TEX11: variants seen among roughly 807,000 people sequenced by gnomAD.
TEX11 encodes the protein testis expressed 11, also known as testis-expressed protein 11.
Under a neutral mutation model 84.4 loss-of-function variants are expected in TEX11, and 7 were observed. The observed-to-expected ratio is 0.08, with a 90% CI of 0.05 to 0.16. The LOEUF (loss-of-function observed/expected upper bound fraction) is 0.16. Ranked by LOEUF, TEX11 falls within the 10% of genes least tolerant of loss-of-function variation. The pLI is 1.00. For synonymous variants in TEX11, 264 were observed against 222.8 expected, an observed-to-expected ratio of 1.18 and a Z score of -1.64; for missense variants, 551 against 660.5, an observed-to-expected ratio of 0.83 and a Z score of 1.82.
At chrX:70,808,357 G>T (rs1209583058) in intron 8 of TEX11, among the ~76,000 whole-genome samples, 1 of 107,075 alleles carries the variant, frequency 9.3e-6, no homozygotes, top group Non-Finnish European at 1.9e-5. Context: ...AGAAAAATTA[G>T]TTGGGCGTGG....
intron 2 of TEX11, among the ~76,000 whole-genome samples, chrX:70,887,652 C>T (rs1298500453): frequency 8.9e-6 from 1 of 112,091 alleles, no homozygotes. Flanking sequence ...GAACTCCATA[C>T]CCTTAAGAGA....
intron 25 of TEX11, among the ~76,000 whole-genome samples, chrX:70,585,807 C>T (rs955005110): frequency 1.8e-5 from 2 of 112,528 alleles, no homozygotes; most frequent in Non-Finnish European, 3.8e-5. Flanking sequence ...AATCCCAGCA[C>T]TTTGGGAGGC....
chrX:70,706,945 C>A (rs932466759), intron 13 of TEX11, among the ~76,000 whole-genome samples: 2 of 111,289 alleles, frequency 1.8e-5, no homozygotes, highest in Admixed American at 9.6e-5. Context: ...AGTCCTTTAA[C>A]CCAGTATCAA....
chrX:70,718,920 C>T (rs2090531515), intron 13 of TEX11, among the ~76,000 whole-genome samples: 1 of 111,646 alleles, frequency 9.0e-6, no homozygotes, highest in South Asian at 3.8e-4. Flanking sequence ...GCCAACTTCT[C>T]CCATTAGTCC....
chrX:70,542,082 A>G (rs760924946), intron 28 of TEX11, among the ~76,000 whole-genome samples: 2 of 111,354 alleles, frequency 1.8e-5, no homozygotes, highest in Non-Finnish European at 3.8e-5. Context: ...GTTGATGTGC[A>G]ACGGACTGAA....
chrX:70,867,932 A>C (rs2091608077), intron 4 of TEX11, among the ~76,000 whole-genome samples: 1 of 112,142 alleles, frequency 8.9e-6, no homozygotes, highest in Non-Finnish European at 1.9e-5. Flanking sequence ...CCTAGAAGAA[A>C]ATGTAGGCAA....
intron 16 of TEX11, among the ~76,000 whole-genome samples, chrX:70,660,185 G>A (rs1050305364): frequency 9.0e-6 from 1 of 111,520 alleles, no homozygotes; most frequent in Non-Finnish European, 1.9e-5. Context: ...AGTTGCTCTG[G>A]GTAGTCAGTG....
chrX:70,628,364 C>A (rs1466938849), intron 18 of TEX11, among the ~76,000 whole-genome samples: 1 of 111,405 alleles, frequency 9.0e-6, no homozygotes, highest in Non-Finnish European at 1.9e-5. Flanking sequence ...TTTATACCAT[C>A]TCTTCCTTTA....
chrX:70,693,070 G>A (rs1056761063), intron 13 of TEX11, among the ~76,000 whole-genome samples: 2 of 110,861 alleles, frequency 1.8e-5, no homozygotes, highest in East Asian at 2.8e-4. Context: ...GTGAAACCCC[G>A]TATCTACTAA....
chrX:70,888,012 T>C (rs1433960075), intron 2 of TEX11, among the ~76,000 whole-genome samples: 2 of 113,456 alleles, frequency 1.8e-5, no homozygotes, highest in Admixed American at 9.3e-5. Flanking sequence ...AAAGCATTAC[T>C]GTACTTGGGG....
intron 7 of TEX11, among the ~76,000 whole-genome samples, chrX:70,834,604 C>CAAACA (rs368129710): frequency 0.083 from 8,972 of 108,564 alleles, 470 homozygotes; most frequent in East Asian, 0.23. Flanking sequence ...AAAAAACAAA[C>CAAACA]AAACAAAACA....
intron 9 of TEX11, among the ~76,000 whole-genome samples, chrX:70,788,967 TATATATAGAGAGAGAGAGAGAGAGAG>T (rs1160805548): frequency 3.1e-5 from 1 of 32,020 alleles, no homozygotes; most frequent in Non-Finnish European, 5.2e-5. Flanking sequence ...TATATATATA[TATATATAGAGAGAGAGAGAGAGAGAG>T]AGAGAGAGAG....
chrX:70,773,517 C>CA (rs1372587214), intron 9 of TEX11, among the ~76,000 whole-genome samples: 1 of 111,271 alleles, frequency 9.0e-6, no homozygotes, highest in Non-Finnish European at 1.9e-5. Context: ...CACTGTCCCA[C>CA]AAAAAATGAT....
chrX:70,624,298 A>G (rs5936575), intron 19 of TEX11, among the ~76,000 whole-genome samples: 47,135 of 110,650 alleles, frequency 0.43, 8,397 homozygotes, highest in East Asian at 0.58. Context: ...CCATTGCTCA[A>G]AAACACCTGC....
intron 9 of TEX11, among the ~76,000 whole-genome samples, chrX:70,784,246 G>C (rs1222867266): frequency 9.0e-6 from 1 of 111,618 alleles, no homozygotes; most frequent in Non-Finnish European, 1.9e-5. Flanking sequence ...TATCGCAATA[G>C]ATGCAGAAAA....
At chrX:70,749,335 G>T (rs752219134) in intron 9 of TEX11, among the ~76,000 whole-genome samples, 1 of 109,169 alleles carries the variant, frequency 9.2e-6, no homozygotes, top group African/African-American at 3.4e-5. Flanking sequence ...AGACGATGGG[G>T]TTTTCTAGAT....
chrX:70,570,518 A>T (rs1309748227), intron 25 of TEX11, among the ~76,000 whole-genome samples: 1 of 112,466 alleles, frequency 8.9e-6, no homozygotes. Flanking sequence ...TGGGAGCTGT[A>T]GACCAGAGCT....
intron 9 of TEX11, among the ~76,000 whole-genome samples, chrX:70,767,594 A>G (rs1183185952): frequency 8.9e-6 from 1 of 111,758 alleles, no homozygotes; most frequent in Admixed American, 9.5e-5. Flanking sequence ...AAATTGAGCT[A>G]CCATATGATC....
intron 9 of TEX11, among the ~76,000 whole-genome samples, chrX:70,762,782 C>T (rs895352774): frequency 9.0e-6 from 1 of 111,475 alleles, no homozygotes; most frequent in Non-Finnish European, 1.9e-5. Context: ...TGCCTGTAAT[C>T]CCAGCACTTT....
Sources: allele counts gnomAD v4.1 joint callset (sites outside exome capture counted in the v4.1 genomes callset), GRCh38; gene constraint gnomAD v4.1.1; transcripts MANE v1.5; gene names NCBI Gene and HGNC (gene_info 2026-07-23, HGNC 2026-07-21).